The following AGBL1 variants were observed in gnomAD, a reference collection of about 807,000 sequenced individuals.
AGBL1 encodes AGBL carboxypeptidase 1.
A neutral mutation model predicts 118.9 loss-of-function variants in AGBL1; 130 were observed. The observed-to-expected ratio is 1.09, with a 90% confidence interval of 0.95 to 1.26. The LOEUF (loss-of-function observed/expected upper bound fraction) is 1.26, where lower values mean the gene tolerates loss of function less well. Among genes scored for constraint, AGBL1 ranks in the 50% most tolerant of loss-of-function variants. AGBL1 has a pLI of 0.00. For missense variants in AGBL1, 1,584 were observed against 1,298.1 expected, an observed-to-expected ratio of 1.22 and a Z score of -3.38; for synonymous variants, 555 against 478.9, an observed-to-expected ratio of 1.16 and a Z score of -2.08.
intron 5 of AGBL1, among the ~76,000 whole-genome samples, chr15:86,176,839 C>A (rs1301044243): frequency 6.6e-6 from 1 of 152,152 alleles, no homozygotes; most frequent in African/African-American, 2.4e-5. Context: ...CTGAGGGGCT[C>A]TCCTGTGGCT....
chr15:86,702,994 G>A (rs1466116486), intron 22 of AGBL1, among the ~76,000 whole-genome samples: 1 of 152,136 alleles, frequency 6.6e-6, no homozygotes, highest in African/African-American at 2.4e-5. Flanking sequence ...GGATGAGGAT[G>A]AATTATCAAA....
Position 86,264,794 on chromosome 15 carries a change from T to G in AGBL1, c.1623T>G (p.Pro541=). Residue 541 remains proline (P), a synonymous_variant, in exon 11 of 23, where the codon CCT becomes CCG. Coordinates refer to ENST00000614907, the MANE Select transcript of AGBL1 (RefSeq NM_001386094.1). ...AFPDVWGHCP[P]PTTQPMLERK... ...CTGATGTCTGGGGACACTGTCCCCCTCCCACCACCCAGCCTATGTTGGAAC... is the reference window on the plus strand; with the variant it reads ...CTGATGTCTGGGGACACTGTCCCCCGCCCACCACCCAGCCTATGTTGGAAC... 6.2e-7 allele frequency: 1 copy of G among 1,613,616 alleles called. No individual in the cohort carries two copies. The highest frequency in any genetic ancestry group is 8.5e-7 in the Non-Finnish European group (1 of 1,179,738).
chr15:86,823,686 A>G (rs938231493), intron 22 of AGBL1, among the ~76,000 whole-genome samples: 7 of 152,190 alleles, frequency 4.6e-5, no homozygotes, highest in Non-Finnish European at 8.8e-5. Context: ...GATAGCGAGA[A>G]GCAAATATAA....
intron 23 of AGBL1, among the ~76,000 whole-genome samples, chr15:86,926,108 T>C (rs1003585349): frequency 5.9e-5 from 9 of 152,114 alleles, no homozygotes; most frequent in African/African-American, 2.2e-4. Context: ...TTTCCTTCCA[T>C]TACCTTTTCC....
At chr15:87,015,510 A>G (rs2081600876) in intron 24 of AGBL1, among the ~76,000 whole-genome samples, 1 of 152,184 alleles carries the variant, frequency 6.6e-6, no homozygotes, top group Non-Finnish European at 1.5e-5. Flanking sequence ...CACCCTTCCA[A>G]GCTATGTGAT....
intron 21 of AGBL1, among the ~76,000 whole-genome samples, chr15:86,625,365 G>GTTTTTTTTT (rs1176940848): frequency 1.6e-5 from 2 of 123,070 alleles, no homozygotes; most frequent in African/African-American, 3.1e-5. Flanking sequence ...AGAAATTAGC[G>GTTTTTTTTT]TTTTTTTTTT....
At chr15:86,526,206 A>AAAAAC (rs149093323) in intron 19 of AGBL1, among the ~76,000 whole-genome samples, 3,445 of 152,198 alleles carry the variant, frequency 0.023, 69 homozygotes, top group Middle Eastern at 0.082. Flanking sequence ...TTAAAAGATC[A>AAAAAC]AAAACAACAG....
chr15:86,766,614 C>T (rs2078100551), intron 22 of AGBL1, among the ~76,000 whole-genome samples: 1 of 151,728 alleles, frequency 6.6e-6, no homozygotes, highest in Non-Finnish European at 1.5e-5. Context: ...ATTTTTATTT[C>T]AGTGCCAAGA....
At chr15:86,421,039 G>C (rs971139819) in intron 18 of AGBL1, among the ~76,000 whole-genome samples, 1 of 152,178 alleles carries the variant, frequency 6.6e-6, no homozygotes, top group African/African-American at 2.4e-5. Flanking sequence ...ACACTCTTCA[G>C]GATATTATCC....
rs770556494 is a variant in AGBL1, at chr15:86,870,454, C to CAAAAAAAAAAAAAAAAAAAAAAA, written c.3159-36613_3159-36591dup. 9.2e-4 allele frequency among the ~76,000 whole-genome samples: 59 copies of CAAAAAAAAAAAAAAAAAAAAAAA among 64,112 alleles called. 8 individuals are homozygous for CAAAAAAAAAAAAAAAAAAAAAAA. Among genetic ancestry groups the CAAAAAAAAAAAAAAAAAAAAAAA allele is most frequent in the Non-Finnish European group, 1.1e-3 (39 of 36,188 alleles). The allele number at this position is 64,112 out of a possible 152,430, so 42.1% of individuals were successfully genotyped here. On this transcript the variant is annotated intron_variant, in intron 22 of 22. Coordinates refer to ENST00000614907, the MANE Select transcript of AGBL1 (RefSeq NM_001386094.1). The stretch of plus-strand genomic sequence containing the variant: ...GGCAAGAAAAAAGTAAAGCATACTG[C>CAAAAAAAAAAAAAAAAAAAAAAA]AAAAAAAAAAAAAAAAAAAAAAAAA...
At chr15:86,678,706 C>T (rs1026731566) in intron 22 of AGBL1, among the ~76,000 whole-genome samples, 32 of 151,954 alleles carry the variant, frequency 2.1e-4, no homozygotes, top group African/African-American at 7.0e-4. Context: ...CTGTCTACCT[C>T]GGTTTAATAA....
intron 14 of AGBL1, 87 bp from the exon 15 acceptor site, chr15:86,271,532 T>G (rs1188248318): frequency 6.5e-5 from 66 of 1,008,580 alleles, no homozygotes; most frequent in Non-Finnish European, 9.7e-5. Context: ...TTCCAGGGAT[T>G]AAGACCTATG....
chr15:86,414,011 T>C (rs934217613), intron 18 of AGBL1, among the ~76,000 whole-genome samples: 2 of 152,310 alleles, frequency 1.3e-5, no homozygotes, highest in South Asian at 2.1e-4. Flanking sequence ...AATGAAATCA[T>C]GTTATTTGCT....
chr15:86,768,446 A>G (rs1021154146), intron 22 of AGBL1, among the ~76,000 whole-genome samples: 2 of 151,832 alleles, frequency 1.3e-5, no homozygotes, highest in African/African-American at 4.8e-5. Context: ...TGCCTTGTTC[A>G]CTGTCCTCCA....
chr15:86,946,843 CAAAAA>C (rs11355715), intron 23 of AGBL1, among the ~76,000 whole-genome samples: 1 of 100,148 alleles, frequency 1.0e-5, no homozygotes, highest in Non-Finnish European at 1.9e-5. Context: ...AAACTCGGTC[CAAAAA>C]AAAAAAAAAA....
chr15:86,736,799 TGAGG>T (rs1438730650), intron 22 of AGBL1, among the ~76,000 whole-genome samples: 6 of 152,224 alleles, frequency 3.9e-5, no homozygotes, highest in Non-Finnish European at 7.3e-5. Flanking sequence ...GACATGCTTA[TGAGG>T]GTACCCTTTG....
intron 22 of AGBL1, among the ~76,000 whole-genome samples, chr15:86,744,607 A>G (rs1234911670): frequency 6.6e-6 from 1 of 152,124 alleles, no homozygotes; most frequent in Non-Finnish European, 1.5e-5. Context: ...ACATTAGACT[A>G]AGGCAAGAAG....
At chr15:86,223,021 G>C (rs1215080282) in intron 5 of AGBL1, among the ~76,000 whole-genome samples, 1 of 152,134 alleles carries the variant, frequency 6.6e-6, no homozygotes, top group Non-Finnish European at 1.5e-5. Flanking sequence ...CAGAAAATGT[G>C]AGGCTGCTGG....
rs576443724 is a variant in AGBL1 at position 86,750,331 on chromosome 15, A to G, written c.3158+75895A>G. On this transcript the variant is annotated intron_variant, in intron 22 of 22. Coordinates refer to ENST00000614907, the MANE Select transcript of AGBL1 (RefSeq NM_001386094.1). Reference sequence around the variant, plus strand: ...TTATGGGGTACAGATTGGTATTTCAATACCTGTATACAATGTGTAATGATC... The same window carrying G: ...TTATGGGGTACAGATTGGTATTTCAGTACCTGTATACAATGTGTAATGATC... Among the ~76,000 whole-genome samples, 42 of 151,930 alleles carry G rather than the reference A, an allele frequency of 2.8e-4. 1 individual carries two copies. The highest frequency in any genetic ancestry group is 5.3e-4 in the Non-Finnish European group (36 of 67,898).
Sources: allele counts gnomAD v4.1 joint callset (sites outside exome capture counted in the v4.1 genomes callset), GRCh38; gene constraint gnomAD v4.1.1; transcripts MANE v1.5; gene names NCBI Gene and HGNC (gene_info 2026-07-23, HGNC 2026-07-21).